ADGRB3: variants seen among roughly 807,000 people sequenced by gnomAD.
ADGRB3 encodes brain-specific angiogenesis inhibitor 3.
In ADGRB3, 37 loss-of-function variants were observed where a neutral mutation model predicts 193.4. The ratio of observed to expected loss-of-function variants is 0.19; its 90% CI spans 0.15 to 0.25. ADGRB3 has a LOEUF of 0.25. Ranked by LOEUF, ADGRB3 falls within the 10% of genes least tolerant of loss-of-function variation. ADGRB3 has a pLI of 1.00. For synonymous variants in ADGRB3, 690 were observed against 644.2 expected (o/e 1.07, Z -1.08); for missense variants, 1,637 against 1,852.9 (o/e 0.88, Z 2.14).
chr6:69,021,291 A>G (rs1253991815), intron 13 of ADGRB3, among the ~76,000 whole-genome samples: 3 of 151,946 alleles, frequency 2.0e-5, no homozygotes, highest in Non-Finnish European at 4.4e-5. Flanking sequence ...CATAAAGTCT[A>G]TATGTATAGC....
At chr6:68,821,108 G>A (rs1467638229) in intron 3 of ADGRB3, among the ~76,000 whole-genome samples, 1 of 151,952 alleles carries the variant, frequency 6.6e-6, no homozygotes, top group Non-Finnish European at 1.5e-5. Context: ...ATTTTTGCCA[G>A]TTTGTTTTCA....
At chr6:69,267,280 ATTG>A (rs1213443664) in intron 20 of ADGRB3, among the ~76,000 whole-genome samples, 1 of 152,106 alleles carries the variant, frequency 6.6e-6, no homozygotes, top group East Asian at 1.9e-4. Context: ...ACCTGTCCAA[ATTG>A]TTGGTCTTGT....
intron 3 of ADGRB3, among the ~76,000 whole-genome samples, chr6:68,783,911 T>C (rs1523948): frequency 0.75 from 114,368 of 151,764 alleles, 43,341 homozygotes; most frequent in Middle Eastern, 0.9. Flanking sequence ...CTTCGTGTAG[T>C]AGATGTACCA....
intron 3 of ADGRB3, among the ~76,000 whole-genome samples, chr6:68,820,673 C>A (rs1488615011): frequency 1.3e-5 from 2 of 152,042 alleles, no homozygotes; most frequent in Non-Finnish European, 2.9e-5. Flanking sequence ...CCTCTGGTAA[C>A]CATCATTCTA....
At chr6:68,900,725 A>G (rs1458957837) in intron 3 of ADGRB3, among the ~76,000 whole-genome samples, 1 of 152,056 alleles carries the variant, frequency 6.6e-6, no homozygotes, top group Non-Finnish European at 1.5e-5. Flanking sequence ...TGCCCCATTT[A>G]CCAGCCTCAG....
Position 68,639,030 on chromosome 6 carries a change from G to A in ADGRB3, c.355G>A (p.Val119Ile), listed in dbSNP as rs780722343. 10 of 1,613,248 alleles carry A rather than the reference G, an allele frequency of 6.2e-6. No individual in the cohort carries two copies. The East Asian group carries it at 6.7e-5, about 11-fold the overall frequency. ...ACTCTGCAATTCCAAGAATGCTTTC[G>A]TTTTTCTACAGTATGATAAAAATTT... ...MQLCNSKNAF[V>I]FLQYDKNFIQ... is the part of the protein sequence containing the mutation. The change falls in exon 3 of 32, where the codon GTT becomes ATT. Residue 119 changes from valine (V) to isoleucine (I), a missense_variant. Val to Ile is a conservative substitution (Grantham distance 29, BLOSUM62 3). Coordinates refer to ENST00000370598, the MANE Select transcript of ADGRB3 (RefSeq NM_001704.3).
intron 20 of ADGRB3, among the ~76,000 whole-genome samples, chr6:69,262,443 A>G (rs1052147182): frequency 2.6e-5 from 4 of 151,944 alleles, no homozygotes; most frequent in African/African-American, 9.7e-5. Flanking sequence ...CTTCCTTACT[A>G]ACATAAATGC....
chr6:69,177,190 C>G (rs183295238), intron 17 of ADGRB3, among the ~76,000 whole-genome samples: 24 of 151,928 alleles, frequency 1.6e-4, no homozygotes, highest in Admixed American at 1.1e-3. Flanking sequence ...TCTTGTTTTT[C>G]TAGTTCTTCT....
At chr6:69,350,428 A>G (rs1187803918) in intron 26 of ADGRB3, among the ~76,000 whole-genome samples, 2 of 152,104 alleles carry the variant, frequency 1.3e-5, no homozygotes, top group Non-Finnish European at 2.9e-5. Context: ...ATTCAGGTGA[A>G]AGATCTATTA....
intron 3 of ADGRB3, among the ~76,000 whole-genome samples, chr6:68,813,846 G>C (rs187860281): frequency 1.1e-3 from 168 of 152,154 alleles, no homozygotes; most frequent in African/African-American, 3.6e-3. Context: ...TGAGAATGAT[G>C]GTTTCCAGCT....
chr6:68,846,464 G>A (rs532871777), intron 3 of ADGRB3, among the ~76,000 whole-genome samples: 1 of 152,334 alleles, frequency 6.6e-6, no homozygotes, highest in African/African-American at 2.4e-5. Flanking sequence ...ATGCCCAGGA[G>A]GAAAAAATGA....
intron 3 of ADGRB3, among the ~76,000 whole-genome samples, chr6:68,904,308 T>A (rs1766485524): frequency 1.3e-5 from 2 of 152,172 alleles, no homozygotes; most frequent in African/African-American, 4.8e-5. Flanking sequence ...TAATGACATA[T>A]GTCATTACAA....
chr6:69,380,733 C>T (rs16900676), intron 30 of ADGRB3, among the ~76,000 whole-genome samples: 5 of 151,906 alleles, frequency 3.3e-5, no homozygotes, highest in African/African-American at 4.8e-5. Flanking sequence ...TTCTTTATCA[C>T]GCTTACAGTT....
intron 17 of ADGRB3, among the ~76,000 whole-genome samples, chr6:69,095,984 A>G (rs1210317234): frequency 1.3e-5 from 2 of 152,228 alleles, no homozygotes. Context: ...ATGTAAGACC[A>G]GAGGCCTAGA....
At chr6:68,879,010 T>G (rs538632506) in intron 3 of ADGRB3, among the ~76,000 whole-genome samples, 1 of 152,212 alleles carries the variant, frequency 6.6e-6, no homozygotes, top group Admixed American at 6.5e-5. Flanking sequence ...CGGCTCTCTT[T>G]CACAGTGCAT....
Position 68,948,766 on chromosome 6 carries a change from T to C in ADGRB3, c.1195+4772T>C, listed in dbSNP as rs1162186673. 1.3e-5 allele frequency among the ~76,000 whole-genome samples: 2 copies of C among 152,036 alleles called. 1 individual carries two copies. The highest frequency in any genetic ancestry group is 4.1e-4 in the South Asian group (2 of 4,828). ...TATAGGGGACAAGGATAAATAGTAATTGAGTGACAGATTAAAGACTAAAAT... is the reference window on the plus strand; with the variant it reads ...TATAGGGGACAAGGATAAATAGTAACTGAGTGACAGATTAAAGACTAAAAT... On this transcript the variant is annotated intron_variant, in intron 6 of 31. Coordinates refer to ENST00000370598, the MANE Select transcript of ADGRB3 (RefSeq NM_001704.3).
chr6:68,985,531 G>A (rs758142385), intron 10 of ADGRB3, among the ~76,000 whole-genome samples: 6 of 152,086 alleles, frequency 3.9e-5, no homozygotes, highest in Non-Finnish European at 7.4e-5. Context: ...TTGATGTTAG[G>A]TACCTATGTG....
chr6:68,658,201 C>A (rs1283596050), intron 3 of ADGRB3, among the ~76,000 whole-genome samples: 1 of 151,186 alleles, frequency 6.6e-6, no homozygotes, highest in African/African-American at 2.4e-5. Flanking sequence ...AAGTGACTTG[C>A]ATAGTATCAC....
intron 3 of ADGRB3, among the ~76,000 whole-genome samples, chr6:68,861,990 C>G (rs1461888260): frequency 6.6e-6 from 1 of 152,072 alleles, no homozygotes; most frequent in Non-Finnish European, 1.5e-5. Flanking sequence ...TACTATCTAT[C>G]CTACTGTTCT....
Sources: allele counts gnomAD v4.1 joint callset (sites outside exome capture counted in the v4.1 genomes callset), GRCh38; gene constraint gnomAD v4.1.1; transcripts MANE v1.5; gene names NCBI Gene and HGNC (gene_info 2026-07-23, HGNC 2026-07-21).